The following NACC2 variants were observed in gnomAD, a reference collection of about 807,000 sequenced individuals.
NACC2 encodes nucleus accumbens-associated protein 2.
NACC2 carries 8 observed loss-of-function variants against 25.1 expected under a neutral mutation model. The ratio of observed to expected loss-of-function variants is 0.32; its 90% CI spans 0.19 to 0.57. The LOEUF is 0.57. Ranked by LOEUF, NACC2 falls within the 20% of genes least tolerant of loss-of-function variation. NACC2 has a pLI of 0.89. For synonymous variants in NACC2, 435 were observed against 294.7 expected, an observed-to-expected ratio of 1.48 and a Z score of -4.88; for missense variants, 644 against 650.2, an observed-to-expected ratio of 0.99 and a Z score of 0.10.
chr9:136,093,134 C>A (rs1830450644), intron 1 of NACC2, among the ~76,000 whole-genome samples: 1 of 152,146 alleles, frequency 6.6e-6, no homozygotes, highest in Non-Finnish European at 1.5e-5. Flanking sequence ...CCGAAAAGGA[C>A]AACACCTTGG....
intron 1 of NACC2, among the ~76,000 whole-genome samples, chr9:136,064,633 G>C (rs1463789038): frequency 2.0e-5 from 3 of 152,120 alleles, no homozygotes; most frequent in Non-Finnish European, 4.4e-5. Flanking sequence ...TGTTAATTAA[G>C]GAATATGTCC....
At chr9:136,047,756 A>G (rs884558) in intron 2 of NACC2, among the ~76,000 whole-genome samples, 102,049 of 151,896 alleles carry the variant, frequency 0.67, 34,370 homozygotes, top group Non-Finnish European at 0.7. Flanking sequence ...GGTCCTGCTG[A>G]CTCCCCAAAA....
intron 2 of NACC2, among the ~76,000 whole-genome samples, chr9:136,041,250 C>T (rs1267032979): frequency 1.3e-5 from 2 of 152,004 alleles, no homozygotes; most frequent in Non-Finnish European, 2.9e-5. Flanking sequence ...GGTGAAACCT[C>T]GTCTCTACTA....
chr9:136,079,055 CTTCTT>C (rs889976886), intron 1 of NACC2, among the ~76,000 whole-genome samples: 11 of 111,488 alleles, frequency 9.9e-5, no homozygotes, highest in Middle Eastern at 4.9e-3. Flanking sequence ...ATCATAGCTT[CTTCTT>C]TTTTTTTTTT....
chr9:136,042,225 T>A (rs1178773005), intron 2 of NACC2, among the ~76,000 whole-genome samples: 1 of 152,184 alleles, frequency 6.6e-6, no homozygotes, highest in East Asian at 1.9e-4. Flanking sequence ...TGACCTCAGG[T>A]GATCCACCCA....
Position 136,067,955 on chromosome 9 carries a change from G to A in NACC2, c.-59-17375C>T, listed in dbSNP as rs367796125. ...CATGTTACTGTACTGAATAGCATAG[G>A]CAACTGTAACACAATGGGAAGCATT... On this transcript the variant is annotated intron_variant, in intron 1 of 5. Transcript: ENST00000277554. Among the ~76,000 whole-genome samples, 35 of 152,332 alleles carry A rather than the reference G, an allele frequency of 2.3e-4. No homozygotes were observed. The South Asian group carries it at 7.2e-3, about 32-fold the overall frequency.
chr9:136,089,492 C>T (rs2131192112), intron 1 of NACC2, among the ~76,000 whole-genome samples: 1 of 152,092 alleles, frequency 6.6e-6, no homozygotes, highest in East Asian at 1.9e-4. Flanking sequence ...CCCCACAACC[C>T]CACCTGGTGG....
Position 136,018,237 on chromosome 9 carries a change from C to A in NACC2, c.887-1808G>T, listed in dbSNP as rs565408050. 4.9e-4 allele frequency among the ~76,000 whole-genome samples: 75 copies of A among 152,218 alleles called. 1 individual carries two copies. The highest frequency in any genetic ancestry group is 1.7e-3 in the African/African-American group (72 of 41,554). On this transcript the variant is annotated intron_variant, in intron 2 of 5. Coordinates refer to ENST00000277554, the MANE Select transcript of NACC2 (RefSeq NM_144653.5). This position sits in a 1 kb window ranked among gnomAD's most constrained non-coding sequence, Gnocchi z 4.4. ...CACCTTGGAGAGTCACAGAAAAACTCTACAGGGGTGGCTGAGCCTCGGGGC... is the reference window on the plus strand; with the variant it reads ...CACCTTGGAGAGTCACAGAAAAACTATACAGGGGTGGCTGAGCCTCGGGGC...
At chr9:136,048,807 G>A (rs1307796394) in intron 2 of NACC2, among the ~76,000 whole-genome samples, 5 of 152,200 alleles carry the variant, frequency 3.3e-5, no homozygotes, top group Non-Finnish European at 7.4e-5. Flanking sequence ...GCAGGGGGGC[G>A]TCCCATCAGG....
In NACC2 at chr9:136,012,793, C is replaced by T. The variant is rs375193762; in HGVS notation, c.1255+406G>A. Among the ~76,000 whole-genome samples, 62 of 152,270 alleles carry T rather than the reference C, an allele frequency of 4.1e-4. 1 individual carries two copies. The East Asian group carries it at 9.1e-3, about 22-fold the overall frequency. ...GCATCTTCCACATCTGGGGCGCGGG[C>T]CGGGGGCGGCGGTCTGCCCTGGAGA... is the stretch of plus-strand genomic sequence containing the variant. On this transcript the variant is annotated intron_variant, in intron 5 of 5. Coordinates refer to ENST00000277554, the MANE Select transcript of NACC2 (RefSeq NM_144653.5).
At chr9:136,052,479 G>A (rs1840860540) in intron 1 of NACC2, among the ~76,000 whole-genome samples, 1 of 152,010 alleles carries the variant, frequency 6.6e-6, no homozygotes, top group Non-Finnish European at 1.5e-5. Context: ...AGGGGAGCCA[G>A]GGAAGGGGAG....
Position 136,013,085 on chromosome 9 carries a change from G to C in NACC2, c.1255+114C>G, listed in dbSNP as rs1366955924. ...TCAATCAGACCATGCTCGGCCCCCAGGGACGGAAGCTGCAGGTGGCCGGGA... is the reference window on the plus strand; with the variant it reads ...TCAATCAGACCATGCTCGGCCCCCACGGACGGAAGCTGCAGGTGGCCGGGA... On this transcript the variant is annotated intron_variant, in intron 5 of 5. Transcript: ENST00000277554. This position sits in a 1 kb window ranked among gnomAD's most constrained non-coding sequence, Gnocchi z 6.6. 95 of 813,358 alleles carry C rather than the reference G, an allele frequency of 1.2e-4. No individual in the cohort carries two copies. The highest frequency in any genetic ancestry group is 3.7e-5 in the Non-Finnish European group (19 of 507,784). The allele number at this position is 813,358 out of a possible 1,614,324, so 50.4% of individuals were successfully genotyped here. A position where few individuals can be genotyped will look rare whatever the true frequency, so the allele number is the denominator to read the frequency against.
intron 2 of NACC2, among the ~76,000 whole-genome samples, chr9:136,026,294 G>C (rs12376241): frequency 0.31 from 39,869 of 130,374 alleles, 5,894 homozygotes; most frequent in East Asian, 0.39. Flanking sequence ...AGTGAACCAA[G>C]ATGGCACCAC....
intron 1 of NACC2, among the ~76,000 whole-genome samples, chr9:136,093,420 C>T (rs1349354717): frequency 6.6e-6 from 1 of 152,194 alleles, no homozygotes; most frequent in Non-Finnish European, 1.5e-5. Flanking sequence ...AGAGCCTGTT[C>T]TCGCAGCCTG....
At chr9:136,025,513 C>A (rs1319930530) in intron 2 of NACC2, among the ~76,000 whole-genome samples, 3 of 151,624 alleles carry the variant, frequency 2.0e-5, no homozygotes, top group South Asian at 4.1e-4. Flanking sequence ...TAGCAGACAC[C>A]GAATTTAAAA....
In NACC2 at chr9:136,028,971, G is replaced by A. The variant is rs561295419; in HGVS notation, c.887-12542C>T. Among the ~76,000 whole-genome samples, 173 of 152,328 alleles carry A rather than the reference G, an allele frequency of 1.1e-3. 1 individual carries two copies. The highest frequency in any genetic ancestry group is 3.9e-3 in the African/African-American group (161 of 41,584). On this transcript the variant is annotated intron_variant, in intron 2 of 5. Transcript: ENST00000277554. ...CACCGTCGAGCACAAGAGGGAGGCCGAGGTGGGGCTAACAGCCTGGGTGTG... is the reference window on the plus strand; with the variant it reads ...CACCGTCGAGCACAAGAGGGAGGCCAAGGTGGGGCTAACAGCCTGGGTGTG...
chr9:136,053,035 G>A lies in NACC2; in HGVS notation c.-59-2455C>T, dbSNP rs937893985. Among the ~76,000 whole-genome samples the A allele has an allele frequency of 2.5e-4, 38 of 152,356 alleles. No individual in the cohort carries two copies. In the South Asian group the frequency reaches 7.7e-3, roughly 31 times the overall value. ...GAGCACATTCCACCCAAAAGAAGGG[G>A]CAGGGTCCAGGCTCGAGGCCTTGAG... is the stretch of plus-strand genomic sequence containing the variant. On this transcript the variant is annotated intron_variant, in intron 1 of 5. Transcript: ENST00000277554.
intron 2 of NACC2, among the ~76,000 whole-genome samples, chr9:136,049,421 C>T (rs1840780317): frequency 6.6e-6 from 1 of 152,168 alleles, no homozygotes; most frequent in African/African-American, 2.4e-5. Flanking sequence ...AAGACCCTTC[C>T]TACAGGCTGG....
intron 2 of NACC2, among the ~76,000 whole-genome samples, chr9:136,047,432 C>T (rs1381177048): frequency 6.6e-6 from 1 of 152,262 alleles, no homozygotes; most frequent in Non-Finnish European, 1.5e-5. Flanking sequence ...ACAAGAAACC[C>T]AGACTGTGGC....
Sources: gnomAD v4.1 joint callset for allele counts (sites outside exome capture counted in the v4.1 genomes callset) on GRCh38, gnomAD v4.1.1 for gene constraint, Gnocchi (gnomAD v3.1) non-coding constraint, MANE v1.5 for transcripts, NCBI Gene and HGNC (gene_info 2026-07-23, HGNC 2026-07-21) for gene names.